Variants in SPIDR observed in about 807,000 individuals in gnomAD.
The protein encoded by SPIDR is scaffold protein involved in DNA repair.
A neutral mutation model predicts 104.6 loss-of-function variants in SPIDR; 93 were observed. That is an observed-to-expected ratio of 0.89 (90% CI 0.75 to 1.06). The LOEUF is 1.06. Ranked by LOEUF, SPIDR falls within the 50% of genes least tolerant of loss-of-function variation. SPIDR has a pLI of 0.00. For synonymous variants in SPIDR, 431 were observed against 416.9 expected, an observed-to-expected ratio of 1.03 and a Z score of -0.41; for missense variants, 1,154 against 1,111.2, an observed-to-expected ratio of 1.04 and a Z score of -0.55.
At chr8:47,290,893 A>T in intron 3 of SPIDR, 140 bp from the exon 4 acceptor site, 1 of 507,542 alleles carries the variant, frequency 2.0e-6, no homozygotes. Flanking sequence ...TTAGGTAGGA[A>T]GATTTGACAT....
At chr8:47,272,404 T>A (rs2035521427) in intron 1 of SPIDR, among the ~76,000 whole-genome samples, 2 of 152,258 alleles carry the variant, frequency 1.3e-5, no homozygotes, top group Admixed American at 1.3e-4. Flanking sequence ...GTTTAATGAT[T>A]TTCCTGGATG....
At chr8:47,661,156 G>A (rs964123161) in intron 10 of SPIDR, among the ~76,000 whole-genome samples, 1 of 152,164 alleles carries the variant, frequency 6.6e-6, no homozygotes, top group Admixed American at 6.5e-5. Flanking sequence ...TTCACTTGAC[G>A]GACTGTTATT....
intron 7 of SPIDR, among the ~76,000 whole-genome samples, chr8:47,426,507 A>G (rs903373527): frequency 4.6e-5 from 7 of 152,110 alleles, no homozygotes; most frequent in Non-Finnish European, 5.9e-5. Flanking sequence ...CCATCATAAC[A>G]TTATAATTCA....
chr8:47,712,734 G>A lies in SPIDR; in HGVS notation c.2050G>A (p.Glu684Lys). 6.2e-7 allele frequency: 1 copy of A among 1,614,172 alleles called. No homozygotes were observed. Among genetic ancestry groups the A allele is most frequent in the African/African-American group, 1.3e-5 (1 of 75,022 alleles). The change falls in exon 15 of 20, where the codon GAG (glutamate) becomes AAG (lysine). Residue 684 changes from glutamate to lysine, a missense_variant. Coordinates refer to ENST00000297423, the MANE Select transcript of SPIDR (RefSeq NM_001080394.4). Reference sequence around the variant, plus strand: ...GACCGATGTCACTCTGCAAACGAAGGAGGAGAGAGACCCCAGGCTCCCCAA... The same window carrying A: ...GACCGATGTCACTCTGCAAACGAAGAAGGAGAGAGACCCCAGGCTCCCCAA... ...LVTDVTLQTK[E>K]ERDPRLPKTL...
intron 10 of SPIDR, among the ~76,000 whole-genome samples, chr8:47,651,042 C>T (rs2071521495): frequency 6.6e-6 from 1 of 151,940 alleles, no homozygotes; most frequent in South Asian, 2.1e-4. Flanking sequence ...ATCCCCTAAG[C>T]AAAAAATTCA....
At chr8:47,401,724 A>G (rs1346960486) in intron 6 of SPIDR, among the ~76,000 whole-genome samples, 2 of 152,236 alleles carry the variant, frequency 1.3e-5, no homozygotes, top group Non-Finnish European at 2.9e-5. Flanking sequence ...ACAAAGATCA[A>G]AAGAGACAAA....
At chr8:47,387,098 G>A (rs2060040506) in intron 5 of SPIDR, among the ~76,000 whole-genome samples, 1 of 152,266 alleles carries the variant, frequency 6.6e-6, no homozygotes, top group East Asian at 1.9e-4. Flanking sequence ...AAAGACTTAG[G>A]GAAAGATTTG....
intron 5 of SPIDR, among the ~76,000 whole-genome samples, chr8:47,302,587 T>A (rs782421922): frequency 1.3e-5 from 2 of 152,182 alleles, no homozygotes; most frequent in Non-Finnish European, 2.9e-5. Context: ...TATGTACCTT[T>A]GGTCTTTGAT....
At chr8:47,577,127 A>G (rs764290534) in intron 8 of SPIDR, among the ~76,000 whole-genome samples, 9 of 152,252 alleles carry the variant, frequency 5.9e-5, no homozygotes, top group South Asian at 4.1e-4. Flanking sequence ...CTCTGCAGCA[A>G]TTGAGCTGTG....
intron 1 of SPIDR, among the ~76,000 whole-genome samples, chr8:47,273,576 G>A (rs1159008680): frequency 3.3e-5 from 5 of 151,228 alleles, no homozygotes; most frequent in Admixed American, 3.3e-4. Flanking sequence ...TTGTTAAAGA[G>A]TTGTTTTTTT....
intron 8 of SPIDR, among the ~76,000 whole-genome samples, chr8:47,581,248 C>T (rs550970483): frequency 6.6e-6 from 1 of 152,264 alleles, no homozygotes; most frequent in African/African-American, 2.4e-5. Context: ...CTAGCCCCCA[C>T]CCAGAGATCC....
chr8:47,280,054 A>G, intron 2 of SPIDR, 37 bp downstream of exon 2: 3 of 1,601,018 alleles, frequency 1.9e-6, no homozygotes, highest in Non-Finnish European at 2.6e-6. Context: ...CTGAATGCCA[A>G]AGAGGAAATC....
intron 7 of SPIDR, among the ~76,000 whole-genome samples, chr8:47,416,016 C>T (rs2154330207): frequency 6.6e-6 from 1 of 152,300 alleles, no homozygotes; most frequent in East Asian, 1.9e-4. Context: ...GAGACCAAGG[C>T]CGGCAGATCA....
At chr8:47,567,326 TCTC>T (rs2057992932) in intron 8 of SPIDR, among the ~76,000 whole-genome samples, 2 of 151,992 alleles carry the variant, frequency 1.3e-5, no homozygotes, top group Admixed American at 6.6e-5. Flanking sequence ...TTCAAGCAAT[TCTC>T]CTGCCTCAGC....
chr8:47,463,730 A>T (rs1387081549), intron 8 of SPIDR, among the ~76,000 whole-genome samples: 1 of 152,222 alleles, frequency 6.6e-6, no homozygotes, highest in East Asian at 1.9e-4. Context: ...AATTCATGTA[A>T]TATACCACAT....
intron 11 of SPIDR, among the ~76,000 whole-genome samples, chr8:47,676,770 T>C (rs2076501891): frequency 6.6e-6 from 1 of 152,202 alleles, no homozygotes. Flanking sequence ...GTTCTGGTGA[T>C]GAAATATCAC....
intron 6 of SPIDR, among the ~76,000 whole-genome samples, chr8:47,398,788 C>G (rs781830923): frequency 9.2e-5 from 14 of 152,132 alleles, no homozygotes; most frequent in Non-Finnish European, 1.6e-4. Flanking sequence ...TGTCCAAGGC[C>G]TGAGTCCTGG....
At chr8:47,287,906 A>C (rs1253805407) in intron 3 of SPIDR, among the ~76,000 whole-genome samples, 8 of 152,218 alleles carry the variant, frequency 5.3e-5, no homozygotes, top group Non-Finnish European at 1.2e-4. Flanking sequence ...AGAAATTATA[A>C]AAGTATTATT....
At chr8:47,563,296 A>G (rs1333519388) in intron 8 of SPIDR, among the ~76,000 whole-genome samples, 1 of 152,028 alleles carries the variant, frequency 6.6e-6, no homozygotes, top group Non-Finnish European at 1.5e-5. Flanking sequence ...CGGCTCACCA[A>G]GTAGCTGAGA....
Sources: gnomAD v4.1 joint callset for allele counts (sites outside exome capture counted in the v4.1 genomes callset) on GRCh38, gnomAD v4.1.1 for gene constraint, MANE v1.5 for transcripts, NCBI Gene and HGNC (gene_info 2026-07-23, HGNC 2026-07-21) for gene names.